FGD6: variants seen among roughly 807,000 people sequenced by gnomAD.
FGD6 encodes FYVE, RhoGEF and PH domain-containing protein 6.
A neutral mutation model predicts 149.4 loss-of-function variants in FGD6; 90 were observed. That is an observed-to-expected ratio of 0.60 (90% CI 0.51 to 0.72). The LOEUF is 0.72. FGD6 is among the 30% of genes least tolerant of loss of function. The pLI is 0.00. For missense variants in FGD6, 1,437 were observed against 1,684.8 expected (o/e 0.85, Z 2.57); for synonymous variants, 527 against 584.0 (o/e 0.90, Z 1.41).
At chr12:95,145,342 T>C (rs993501853) in intron 5 of FGD6, among the ~76,000 whole-genome samples, 2 of 152,132 alleles carry the variant, frequency 1.3e-5, no homozygotes, top group Non-Finnish European at 2.9e-5. Flanking sequence ...ACTGGTCAGG[T>C]TCCTGAATCT....
intron 2 of FGD6, among the ~76,000 whole-genome samples, chr12:95,195,902 A>G (rs1028733016): frequency 6.6e-6 from 1 of 151,568 alleles, no homozygotes; most frequent in East Asian, 2.0e-4. Flanking sequence ...GAGTACAAGT[A>G]AAACCGGGGG....
chr12:95,173,812 C>T (rs544154040), intron 2 of FGD6, among the ~76,000 whole-genome samples: 1 of 152,190 alleles, frequency 6.6e-6, no homozygotes, highest in South Asian at 2.1e-4. Flanking sequence ...CTGGCAGGCT[C>T]TTTCAGCAGG....
At position 95,089,583 on chromosome 12, in the gene FGD6, C is replaced by T; in HGVS notation, c.3964G>A (p.Ala1322Thr). 6.2e-7 allele frequency: 1 copy of T among 1,613,568 alleles called. No homozygotes were observed. Among genetic ancestry groups the T allele is most frequent in the Non-Finnish European group, 8.5e-7 (1 of 1,179,688 alleles). The change falls in exon 18 of 21, where the codon GCT becomes ACT. Residue 1322 changes from alanine to threonine, a missense_variant. By Grantham distance (58) the Ala-to-Thr change is moderately conservative. Transcript: ENST00000343958. ...GAAACACTTACTTCTTTGAGAGCAG[C>T]TGGGATTTTTTTCTGTTTCCTCCCT... ...PSGRKQKKIPAALKEVSANTE... is the reference protein window; with the variant it reads ...PSGRKQKKIPTALKEVSANTE...
At chr12:95,129,248 T>C (rs1487716173) in intron 8 of FGD6, among the ~76,000 whole-genome samples, 4 of 152,104 alleles carry the variant, frequency 2.6e-5, no homozygotes, top group Admixed American at 1.3e-4. Context: ...AGAATGCTTT[T>C]AAACATTTAT....
chr12:95,119,637 G>A (rs1879124382), intron 8 of FGD6, among the ~76,000 whole-genome samples: 2 of 152,324 alleles, frequency 1.3e-5, no homozygotes, highest in Admixed American at 1.3e-4. Flanking sequence ...AAGTAACACT[G>A]ATTAGCACTG....
chr12:95,087,429 C>T (rs1434635814), intron 18 of FGD6, among the ~76,000 whole-genome samples: 1 of 152,156 alleles, frequency 6.6e-6, no homozygotes, highest in Non-Finnish European at 1.5e-5. Flanking sequence ...AAACTTTCTT[C>T]CTTGCTGGCT....
intron 17 of FGD6, 125 bp from the exon 18 acceptor site, chr12:95,089,821 C>T: frequency 8.0e-7 from 1 of 1,247,780 alleles, no homozygotes; most frequent in Non-Finnish European, 1.1e-6. Flanking sequence ...ACATTGATAA[C>T]TCCTGGAAAA....
rs769036792 is a variant in FGD6, at chr12:95,211,042, C to T, written c.242G>A (p.Gly81Glu). 1 of 1,614,006 alleles carries T rather than the reference C, an allele frequency of 6.2e-7. No individual in the cohort carries two copies. The highest frequency in any genetic ancestry group is 2.2e-5 in the East Asian group (1 of 44,888). ...GCTTTCAGCTAATTCCTGTTTATGC[C>T]CTTCCAGGTTCAACATGATTTTCCT... ...PSRKIMLNLEGHKQELAESTD... is the reference protein window; with the variant it reads ...PSRKIMLNLEEHKQELAESTD... The change falls in exon 2 of 21, where the codon GGG becomes GAG. Residue 81 changes from glycine (G) to glutamate (E), a missense_variant. Gly to Glu is a moderately conservative substitution (Grantham distance 98). Coordinates refer to ENST00000343958, the MANE Select transcript of FGD6 (RefSeq NM_018351.4).
intron 8 of FGD6, among the ~76,000 whole-genome samples, chr12:95,125,586 T>C (rs929807183): frequency 1.3e-5 from 2 of 152,188 alleles, no homozygotes; most frequent in African/African-American, 4.8e-5. Context: ...CAGTAAGCCA[T>C]GATCCTGCCA....
At chr12:95,191,024 A>G (rs1881573188) in intron 2 of FGD6, among the ~76,000 whole-genome samples, 1 of 152,210 alleles carries the variant, frequency 6.6e-6, no homozygotes, top group Non-Finnish European at 1.5e-5. Flanking sequence ...GTCTTACTAC[A>G]TGTAAGACTA....
chr12:95,162,922 C>T (rs545125010), intron 3 of FGD6, among the ~76,000 whole-genome samples: 92 of 152,194 alleles, frequency 6.0e-4, no homozygotes, highest in Non-Finnish European at 1.2e-3. Context: ...GATGTTGCCT[C>T]CTTACCTCTT....
chr12:95,204,710 G>GCACACA (rs60459798), intron 2 of FGD6, among the ~76,000 whole-genome samples: 155 of 151,170 alleles, frequency 1.0e-3, no homozygotes, highest in East Asian at 2.0e-3. Context: ...GCATGCACGC[G>GCACACA]CACACACACA....
In FGD6 at chr12:95,210,038, G is replaced by A. The variant is rs776727247; in HGVS notation, c.1246C>T (p.Pro416Ser). 2 of 1,613,968 alleles carry A rather than the reference G, an allele frequency of 1.2e-6. No individual in the cohort carries two copies. Among genetic ancestry groups the A allele is most frequent in the South Asian group, 1.1e-5 (1 of 91,034 alleles). Residue 416 changes from proline (P) to serine (S), a missense_variant, in exon 2 of 21, where the codon CCT becomes TCT. Physicochemically the swap from Pro to Ser is moderately conservative, Grantham distance 74. This residue lies in a region of FGD6 where 1,055 missense variants were observed against 1,146.0 expected (regional missense o/e 0.92). Coordinates refer to ENST00000343958, the MANE Select transcript of FGD6 (RefSeq NM_018351.4). ...NETTSFEKMAPSFDKDSNLSS... is the reference protein window; with the variant it reads ...NETTSFEKMASSFDKDSNLSS... Reference sequence around the variant, plus strand: ...AAATTAGAGTCTTTATCAAAAGAAGGTGCCATTTTTTCAAAGGAAGTTGTT... The same window carrying A: ...AAATTAGAGTCTTTATCAAAAGAAGATGCCATTTTTTCAAAGGAAGTTGTT...
rs1447369165 is a variant in FGD6, at chr12:95,094,611, G to A, written c.3581C>T (p.Pro1194Leu). Residue 1194 changes from proline to leucine, a missense_variant, in exon 15 of 21, where the codon CCT becomes CTT. Pro to Leu is a moderately conservative substitution (Grantham distance 98). Transcript: ENST00000343958. ...EYAKKRITFC[P>L]SRSLDEADSE... is the part of the protein sequence containing the mutation. The stretch of plus-strand genomic sequence containing the variant: ...CAATACCTCATCAAGACTCCTACTA[G>A]GACAGAAGGTGATTCTTTTCTTGGC... 1 of 1,610,908 alleles carries A rather than the reference G, an allele frequency of 6.2e-7. No homozygotes were observed. Among genetic ancestry groups the A allele is most frequent in the Non-Finnish European group, 8.5e-7 (1 of 1,179,020 alleles).
intron 16 of FGD6, 58 bp from the exon 17 acceptor site, chr12:95,091,867 C>G: frequency 7.6e-7 from 1 of 1,319,674 alleles, no homozygotes; most frequent in Non-Finnish European, 1.1e-6. Flanking sequence ...TGTTTCTACA[C>G]CATAAAGTAT....
chr12:95,127,311 C>T (rs959099534), intron 8 of FGD6, among the ~76,000 whole-genome samples: 1 of 151,982 alleles, frequency 6.6e-6, no homozygotes, highest in South Asian at 2.1e-4. Flanking sequence ...TTAGGGAGGC[C>T]GAGGCAAGTG....
At chr12:95,204,548 G>A (rs1010450915) in intron 2 of FGD6, among the ~76,000 whole-genome samples, 1 of 151,894 alleles carries the variant, frequency 6.6e-6, no homozygotes, top group Non-Finnish European at 1.5e-5. Flanking sequence ...AGCTCACCCA[G>A]CCCCCAGTTT....
chr12:95,188,009 C>T (rs1160423347), intron 2 of FGD6, among the ~76,000 whole-genome samples: 3 of 152,164 alleles, frequency 2.0e-5, no homozygotes, highest in Non-Finnish European at 4.4e-5. Flanking sequence ...TTTTGAAAAG[C>T]TGGCTTTGTC....
chr12:95,148,390 T>G (rs1243768476), intron 5 of FGD6, among the ~76,000 whole-genome samples: 1 of 149,692 alleles, frequency 6.7e-6, no homozygotes, highest in Non-Finnish European at 1.5e-5. Context: ...TTCAAGGAAA[T>G]GTACGTCTCC....
Sources: allele counts gnomAD v4.1 joint callset (sites outside exome capture counted in the v4.1 genomes callset), GRCh38; gene constraint gnomAD v4.1.1; regional missense constraint gnomAD v4.1.1; transcripts MANE v1.5; gene names NCBI Gene and HGNC (gene_info 2026-07-23, HGNC 2026-07-21).